Variants in ELF2 observed in about 807,000 individuals in gnomAD.
ELF2 encodes the protein ETS-related transcription factor Elf-2.
In ELF2, 11 loss-of-function variants were observed where a neutral mutation model predicts 54.8. The observed-to-expected ratio is 0.20, with a 90% confidence interval of 0.13 to 0.33. The LOEUF is 0.33. ELF2 is among the 10% of genes least tolerant of loss of function. ELF2 has a pLI of 1.00. For missense variants in ELF2, 513 were observed against 703.0 expected (o/e 0.73, Z 3.06); for synonymous variants, 203 against 245.1 (o/e 0.83, Z 1.61).
At chr4:139,087,534 C>T (rs2148747393) in intron 4 of ELF2, among the ~76,000 whole-genome samples, 1 of 152,254 alleles carries the variant, frequency 6.6e-6, no homozygotes, top group Middle Eastern at 3.4e-3. Flanking sequence ...GGCGCGATCT[C>T]GGCTCACTGC....
In ELF2 at chr4:139,057,656, G is replaced by A. The variant is rs1016321224; in HGVS notation, c.*1327C>T. On this transcript the variant is annotated 3_prime_UTR_variant, in exon 10 of 10. Coordinates refer to ENST00000686138, the MANE Select transcript of ELF2 (RefSeq NM_001331036.3). ...CCAACTAAAATACTAAATTCATTAC[G>A]TTAAGCAGAACATTATAGTTCATCA... 1.1e-4 allele frequency: 17 copies of A among 152,076 alleles called. No homozygotes were observed. The highest frequency in any genetic ancestry group is 2.0e-4 in the Admixed American group (3 of 15,250). 9.4% of individuals were successfully genotyped at this position (152,076 alleles called of 1,614,324 possible).
chr4:139,138,855 T>C (rs942296243), intron 2 of ELF2, among the ~76,000 whole-genome samples: 4 of 152,248 alleles, frequency 2.6e-5, no homozygotes, highest in African/African-American at 9.6e-5. Flanking sequence ...CTCAATTGTT[T>C]TGATATTAGT....
intron 1 of ELF2, among the ~76,000 whole-genome samples, chr4:139,158,787 G>T (rs974101926): frequency 6.6e-6 from 1 of 152,146 alleles, no homozygotes; most frequent in Admixed American, 6.6e-5. Flanking sequence ...GTCCAAGGGG[G>T]TTTAGCGTAA....
At chr4:139,165,182 T>A (rs1014637251) in intron 1 of ELF2, among the ~76,000 whole-genome samples, 1 of 152,208 alleles carries the variant, frequency 6.6e-6, no homozygotes, top group Non-Finnish European at 1.5e-5. Context: ...TTAGAAGGGT[T>A]AAGGGTTTGG....
intron 1 of ELF2, among the ~76,000 whole-genome samples, chr4:139,166,535 A>C (rs1233937092): frequency 1.3e-5 from 2 of 152,214 alleles, no homozygotes; most frequent in African/African-American, 4.8e-5. Flanking sequence ...GAAGAAACTG[A>C]TTAGTTAGAA....
chr4:139,130,227 A>C (rs540801468), intron 3 of ELF2, among the ~76,000 whole-genome samples: 2 of 152,016 alleles, frequency 1.3e-5, no homozygotes, highest in Non-Finnish European at 2.9e-5. Context: ...CTCAAAAAAA[A>C]ACAAACAACA....
intron 4 of ELF2, chr4:139,115,477 G>T (rs540519649): frequency 2.6e-5 from 22 of 847,330 alleles, no homozygotes; most frequent in Non-Finnish European, 3.1e-5. Flanking sequence ...CGAGGGCAGC[G>T]GCGGGGGTGC....
chr4:139,138,304 C>T (rs1462745199), intron 2 of ELF2, among the ~76,000 whole-genome samples: 1 of 151,960 alleles, frequency 6.6e-6, no homozygotes, highest in African/African-American at 2.4e-5. Flanking sequence ...GTAGTCCCAG[C>T]TACTCGGGAG....
At chr4:139,156,930 A>G (rs1023682196) in intron 1 of ELF2, among the ~76,000 whole-genome samples, 7 of 152,178 alleles carry the variant, frequency 4.6e-5, no homozygotes, top group Admixed American at 2.6e-4. Flanking sequence ...CACCACACCC[A>G]GCCTTAATCT....
chr4:139,132,003 T>G, intron 3 of ELF2, among the ~76,000 whole-genome samples: 1 of 152,298 alleles, frequency 6.6e-6, no homozygotes, highest in Non-Finnish European at 1.5e-5. Flanking sequence ...CATTTATATA[T>G]TTATTTAGCA....
intron 3 of ELF2, chr4:139,136,955 G>A (rs563488851): frequency 5.1e-4 from 78 of 152,328 alleles, no homozygotes; most frequent in Admixed American, 8.5e-4. Flanking sequence ...GTGAGCCACC[G>A]CGACTGGCCC....
At chr4:139,061,086 C>T (rs1727775760) in intron 8 of ELF2, among the ~76,000 whole-genome samples, 1 of 151,850 alleles carries the variant, frequency 6.6e-6, no homozygotes, top group South Asian at 2.1e-4. Flanking sequence ...AATACTGTCA[C>T]ATAAACAATG....
At chr4:139,060,052 G>A (rs750501638) in intron 9 of ELF2, among the ~76,000 whole-genome samples, 101 of 152,048 alleles carry the variant, frequency 6.6e-4, no homozygotes, top group Middle Eastern at 3.4e-3. Flanking sequence ...GTCTCACTAC[G>A]TTGCCAAAGC....
chr4:139,058,758 G>A lies in ELF2; in HGVS notation c.*225C>T, dbSNP rs1251114553. The stretch of plus-strand genomic sequence containing the variant: ...ATCCTTTTTCTTATTGATGGGTTCA[G>A]TTGTTTCCTACTGTAAGAGGCAGTT... On this transcript the variant is annotated 3_prime_UTR_variant, in exon 10 of 10. Coordinates refer to ENST00000686138, the MANE Select transcript of ELF2 (RefSeq NM_001331036.3). 1 of 553,118 alleles carries A rather than the reference G, an allele frequency of 1.8e-6. No individual in the cohort carries two copies. Among genetic ancestry groups the A allele is most frequent in the Non-Finnish European group, 3.0e-6 (1 of 330,038 alleles). 34.3% of individuals were successfully genotyped at this position (553,118 alleles called of 1,614,324 possible).
At chr4:139,072,191 G>A (rs1329758884) in intron 5 of ELF2, 152 bp from the exon 6 acceptor site, 1 of 691,896 alleles carries the variant, frequency 1.4e-6, no homozygotes. Context: ...CTGAATATTC[G>A]ATATGATTTA....
chr4:139,155,371 T>A (rs1740421801), intron 1 of ELF2: 1 of 152,202 alleles, frequency 6.6e-6, no homozygotes, highest in Non-Finnish European at 1.5e-5. Context: ...ACTCTTATGC[T>A]GATCAGTAGT....
At chr4:139,063,260 GA>G (rs746507770) in intron 7 of ELF2, among the ~76,000 whole-genome samples, 3 of 151,310 alleles carry the variant, frequency 2.0e-5, no homozygotes, top group Non-Finnish European at 4.4e-5. Context: ...CCTGTCACAG[GA>G]AAAAAGAAAG....
chr4:139,149,174 C>T (rs975978227), intron 1 of ELF2, among the ~76,000 whole-genome samples: 5 of 152,028 alleles, frequency 3.3e-5, no homozygotes, highest in African/African-American at 1.2e-4. Flanking sequence ...TGATGTATCA[C>T]GTAAAATATA....
At chr4:139,063,665 G>A (rs937091494) in intron 7 of ELF2, among the ~76,000 whole-genome samples, 1 of 152,064 alleles carries the variant, frequency 6.6e-6, no homozygotes, top group Non-Finnish European at 1.5e-5. Flanking sequence ...AACAATGCAA[G>A]AAATAAATAA....
Sources: gnomAD v4.1 joint callset for allele counts (sites outside exome capture counted in the v4.1 genomes callset) on GRCh38, gnomAD v4.1.1 for gene constraint, MANE v1.5 for transcripts, NCBI Gene and HGNC (gene_info 2026-07-23, HGNC 2026-07-21) for gene names.